The following HTR1F variants were observed in gnomAD, a reference collection of about 807,000 sequenced individuals.
The protein encoded by HTR1F is 5-hydroxytryptamine (serotonin) receptor 1F, G protein-coupled.
A neutral mutation model predicts 24.0 loss-of-function variants in HTR1F; 17 were observed. The observed-to-expected ratio is 0.71, with a 90% CI of 0.48 to 1.06. HTR1F has a LOEUF of 1.06. Ranked by LOEUF, HTR1F falls within the 50% of genes least tolerant of loss-of-function variation. HTR1F has a pLI of 0.00. For synonymous variants in HTR1F, 186 were observed against 156.8 expected (o/e 1.19, Z -1.39); for missense variants, 391 against 427.8 (o/e 0.91, Z 0.76).
intron 2 of HTR1F, among the ~76,000 whole-genome samples, chr3:87,831,244 A>C (rs781605503): frequency 6.6e-6 from 1 of 151,598 alleles, no homozygotes; most frequent in South Asian, 2.1e-4. Flanking sequence ...AAGGTGAACA[A>C]AATATTTTGG....
chr3:87,802,872 TTC>T (rs1704017039), intron 1 of HTR1F, among the ~76,000 whole-genome samples: 1 of 152,190 alleles, frequency 6.6e-6, no homozygotes. Context: ...CATTGCAACA[TTC>T]TGTTTACATT....
chr3:87,958,847 T>C (rs1263574000), intron 2 of HTR1F, among the ~76,000 whole-genome samples: 1 of 151,532 alleles, frequency 6.6e-6, no homozygotes, highest in East Asian at 1.9e-4. Context: ...AAAACTCTTT[T>C]TACTTTATAT....
chr3:87,984,653 G>C (rs540222362), intron 2 of HTR1F, among the ~76,000 whole-genome samples: 1 of 151,902 alleles, frequency 6.6e-6, no homozygotes, highest in Non-Finnish European at 1.5e-5. Flanking sequence ...GAAGAGACGG[G>C]GTTTCACCAT....
At chr3:87,978,101 G>A (rs1313861001) in intron 2 of HTR1F, among the ~76,000 whole-genome samples, 1 of 152,190 alleles carries the variant, frequency 6.6e-6, no homozygotes, top group Non-Finnish European at 1.5e-5. Context: ...TGGCATAGGT[G>A]CCAGCTTCAT....
At chr3:87,793,088 G>C (rs1361470223) in intron 1 of HTR1F, 1 of 152,630 alleles carries the variant, frequency 6.6e-6, no homozygotes, top group Non-Finnish European at 1.5e-5. Flanking sequence ...AAGTTCTGTG[G>C]TGCTAGGCGG....
chr3:87,817,888 C>A (rs1397551420), intron 1 of HTR1F, among the ~76,000 whole-genome samples: 1 of 152,056 alleles, frequency 6.6e-6, no homozygotes, highest in Non-Finnish European at 1.5e-5. Context: ...AAGCACAGCT[C>A]TATCAAATTC....
At chr3:87,879,061 G>GTGC (rs1705730218) in intron 2 of HTR1F, among the ~76,000 whole-genome samples, 1 of 152,036 alleles carries the variant, frequency 6.6e-6, no homozygotes, top group Admixed American at 6.6e-5. Flanking sequence ...TAATCATACA[G>GTGC]AACTTTTTGA....
chr3:87,794,290 A>G (rs1322785094), intron 1 of HTR1F, among the ~76,000 whole-genome samples: 1 of 152,112 alleles, frequency 6.6e-6, no homozygotes, highest in East Asian at 1.9e-4. Context: ...AACAGGTCCA[A>G]GCATCACCAC....
intron 2 of HTR1F, among the ~76,000 whole-genome samples, chr3:87,958,552 C>T (rs1704994842): frequency 1.3e-5 from 2 of 151,536 alleles, no homozygotes; most frequent in South Asian, 4.1e-4. Context: ...TCTTTGTTTA[C>T]TCAGGAAGCT....
intron 2 of HTR1F, among the ~76,000 whole-genome samples, chr3:87,972,295 A>G (rs892292970): frequency 6.6e-6 from 1 of 152,114 alleles, no homozygotes; most frequent in African/African-American, 2.4e-5. Flanking sequence ...ACAATAATCA[A>G]TTTTCTCAAC....
chr3:87,853,373 C>T (rs1366648529), intron 2 of HTR1F, among the ~76,000 whole-genome samples: 1 of 151,984 alleles, frequency 6.6e-6, no homozygotes, highest in Non-Finnish European at 1.5e-5. Context: ...ACCTCCAGCT[C>T]CATCCATGTT....
At chr3:87,889,103 C>G (rs1706023004) in intron 2 of HTR1F, among the ~76,000 whole-genome samples, 1 of 152,122 alleles carries the variant, frequency 6.6e-6, no homozygotes, top group Admixed American at 6.6e-5. Context: ...CTCCCCAGCT[C>G]TCTTTTGCTG....
At chr3:87,927,007 C>T (rs1576040580) in intron 2 of HTR1F, among the ~76,000 whole-genome samples, 1 of 150,956 alleles carries the variant, frequency 6.6e-6, no homozygotes, top group East Asian at 1.9e-4. Flanking sequence ...GTAGAATCTG[C>T]TGTCACTGCT....
chr3:87,794,201 G>A (rs1480809205), intron 1 of HTR1F, among the ~76,000 whole-genome samples: 1 of 151,808 alleles, frequency 6.6e-6, no homozygotes, highest in African/African-American at 2.4e-5. Context: ...AAGCAAACCC[G>A]AGGAAGACTC....
At chr3:87,944,925 T>A (rs1704658060) in intron 2 of HTR1F, among the ~76,000 whole-genome samples, 1 of 152,214 alleles carries the variant, frequency 6.6e-6, no homozygotes. Flanking sequence ...AACAAGGTAG[T>A]ATTGGAGTGT....
chr3:87,962,657 A>T (rs1360179628), intron 2 of HTR1F, among the ~76,000 whole-genome samples: 1 of 152,068 alleles, frequency 6.6e-6, no homozygotes, highest in Non-Finnish European at 1.5e-5. Flanking sequence ...TGAAAACTAA[A>T]TTATACAAAT....
intron 1 of HTR1F, among the ~76,000 whole-genome samples, chr3:87,804,171 C>T (rs948212796): frequency 2.0e-5 from 3 of 152,098 alleles, no homozygotes; most frequent in Non-Finnish European, 2.9e-5. Context: ...TATTTTGTTT[C>T]ATATTTCTCA....
At chr3:87,978,553 G>A (rs1168908851) in intron 2 of HTR1F, among the ~76,000 whole-genome samples, 6 of 152,002 alleles carry the variant, frequency 3.9e-5, no homozygotes, top group African/African-American at 1.5e-4. Flanking sequence ...GGTTGTCTGT[G>A]GCCCTCAGGG....
chr3:87,854,340 G>T (rs1415561177), intron 2 of HTR1F, among the ~76,000 whole-genome samples: 1 of 151,856 alleles, frequency 6.6e-6, no homozygotes. Context: ...TGAGTTATAA[G>T]AATCAGATTT....
Sources: gnomAD v4.1 joint callset for allele counts (sites outside exome capture counted in the v4.1 genomes callset) on GRCh38, gnomAD v4.1.1 for gene constraint, MANE v1.5 for transcripts, NCBI Gene and HGNC (gene_info 2026-07-23, HGNC 2026-07-21) for gene names.